The following ATXN1 variants were observed in gnomAD, a reference collection of about 807,000 sequenced individuals.
ATXN1 encodes ataxin 1, also known as ataxin-1.
In ATXN1, 8 loss-of-function variants were observed where a neutral mutation model predicts 56.4. The ratio of observed to expected loss-of-function variants is 0.14; its 90% CI spans 0.08 to 0.26. ATXN1 has a LOEUF of 0.26. ATXN1 is among the 10% of genes least tolerant of loss of function. The pLI is 1.00. For synonymous variants in ATXN1, 514 were observed against 494.6 expected, an observed-to-expected ratio of 1.04 and a Z score of -0.52; for missense variants, 987 against 1,106.5, an observed-to-expected ratio of 0.89 and a Z score of 1.53.
chr6:16,418,510 T>C (rs960462573), intron 6 of ATXN1, among the ~76,000 whole-genome samples: 5 of 152,204 alleles, frequency 3.3e-5, no homozygotes, highest in African/African-American at 4.8e-5. Context: ...GCAGGGAGCA[T>C]TCATGAGATC....
At chr6:16,751,164 T>C (rs1409930032) in intron 2 of ATXN1, among the ~76,000 whole-genome samples, 2 of 152,012 alleles carry the variant, frequency 1.3e-5, no homozygotes, top group Non-Finnish European at 1.5e-5. Context: ...AGACAGGATT[T>C]CATCATGTTG....
intron 2 of ATXN1, among the ~76,000 whole-genome samples, chr6:16,718,668 TGGAG>T (rs1759686182): frequency 6.6e-6 from 1 of 152,250 alleles, no homozygotes; most frequent in Non-Finnish European, 1.5e-5. Flanking sequence ...ACAGCTACAG[TGGAG>T]ACCATCTGAA....
At chr6:16,334,794 T>G (rs575889965) in intron 6 of ATXN1, among the ~76,000 whole-genome samples, 1 of 152,202 alleles carries the variant, frequency 6.6e-6, no homozygotes, top group African/African-American at 2.4e-5. Context: ...AAAGCCACAG[T>G]TGAAATCCTG....
At chr6:16,430,559 T>A (rs926221488) in intron 6 of ATXN1, among the ~76,000 whole-genome samples, 4 of 152,224 alleles carry the variant, frequency 2.6e-5, no homozygotes, top group Non-Finnish European at 5.9e-5. Flanking sequence ...AGATGTTCCA[T>A]GATTTTTTGC....
chr6:16,327,824 C>T lies in ATXN1; in HGVS notation c.487G>A (p.Ala163Thr), dbSNP rs369799017. Residue 163 changes from alanine to threonine, a missense_variant, in exon 7 of 8, where the codon GCA becomes ACA. Ala to Thr is a moderately conservative substitution (Grantham distance 58, BLOSUM62 0). Coordinates refer to ENST00000436367, the MANE Select transcript of ATXN1 (RefSeq NM_001128164.2). The part of the protein sequence containing the change: ...NPVTSAVASA[A>T]GATTPSQRSQ... The stretch of plus-strand genomic sequence containing the variant: ...CGCTGGGATGGAGTGGTGGCCCCTG[C>T]GGCCGAGGCCACTGCACTGGTGACG... 1.1e-5 allele frequency: 17 copies of T among 1,608,676 alleles called. No homozygotes were observed. The highest frequency in any genetic ancestry group is 1.7e-4 in the Middle Eastern group (1 of 6,056).
intron 3 of ATXN1, among the ~76,000 whole-genome samples, chr6:16,614,021 A>C (rs373039126): frequency 3.5e-4 from 53 of 151,648 alleles, no homozygotes; most frequent in East Asian, 3.1e-3. Flanking sequence ...GGTAATTTCA[A>C]AGCTTCCAGG....
chr6:16,658,339 T>C (rs150080409), intron 2 of ATXN1, among the ~76,000 whole-genome samples: 114 of 152,366 alleles, frequency 7.5e-4, no homozygotes, highest in African/African-American at 2.7e-3. Context: ...CTGATGTGAA[T>C]ACTTTTTAAA....
chr6:16,516,266 T>A (rs1761181146), intron 5 of ATXN1, among the ~76,000 whole-genome samples: 1 of 152,182 alleles, frequency 6.6e-6, no homozygotes, highest in East Asian at 1.9e-4. Flanking sequence ...TACAACACCA[T>A]CAGGAGCAAG....
At chr6:16,439,339 G>C (rs1581762720) in intron 6 of ATXN1, among the ~76,000 whole-genome samples, 1 of 2,350 alleles carries the variant, frequency 4.3e-4, no homozygotes, top group Non-Finnish European at 1.8e-3. Flanking sequence ...TTCTTTTCGC[G>C]GGGGGGGGGG....
intron 6 of ATXN1, among the ~76,000 whole-genome samples, chr6:16,451,805 T>C (rs1210223647): frequency 6.6e-6 from 1 of 151,378 alleles, no homozygotes; most frequent in Admixed American, 6.6e-5. Context: ...ACGTGGAGTT[T>C]GTAATTAGAG....
intron 3 of ATXN1, among the ~76,000 whole-genome samples, chr6:16,596,990 C>A (rs963557751): frequency 5.3e-4 from 80 of 152,352 alleles, no homozygotes; most frequent in East Asian, 1.4e-3. Context: ...TTGGGTGTCT[C>A]GCTGGCTGTG....
intron 6 of ATXN1, among the ~76,000 whole-genome samples, chr6:16,440,075 C>CAA (rs34556179): frequency 4.5e-4 from 50 of 111,752 alleles, no homozygotes; most frequent in East Asian, 2.3e-3. Context: ...GACTTCGTCT[C>CAA]AAAAAAAAAA....
intron 4 of ATXN1, among the ~76,000 whole-genome samples, chr6:16,554,794 T>C (rs560585152): frequency 3.3e-5 from 5 of 152,258 alleles, no homozygotes; most frequent in Non-Finnish European, 7.4e-5. Flanking sequence ...TTTCACCATG[T>C]TGGCTAGGCT....
At chr6:16,632,905 G>A (rs527463060) in intron 3 of ATXN1, among the ~76,000 whole-genome samples, 1 of 151,962 alleles carries the variant, frequency 6.6e-6, no homozygotes, top group South Asian at 2.1e-4. Context: ...GCTGAGACAG[G>A]AGAATCGCTT....
At chr6:16,333,497 G>T (rs1410523270) in intron 6 of ATXN1, among the ~76,000 whole-genome samples, 1 of 152,294 alleles carries the variant, frequency 6.6e-6, no homozygotes, top group South Asian at 2.1e-4. Flanking sequence ...GATGCTCTTA[G>T]AATTTGATAT....
intron 4 of ATXN1, among the ~76,000 whole-genome samples, chr6:16,578,173 T>C (rs1267836583): frequency 1.3e-5 from 2 of 152,250 alleles, no homozygotes; most frequent in Non-Finnish European, 2.9e-5. Context: ...CTAAATTTTT[T>C]GGTAACGTTC....
chr6:16,555,609 G>T (rs879783227), intron 4 of ATXN1, among the ~76,000 whole-genome samples: 5 of 152,192 alleles, frequency 3.3e-5, no homozygotes, highest in African/African-American at 4.8e-5. Context: ...AGACACCTCT[G>T]CAGGCCAGGG....
At chr6:16,717,746 T>A (rs1413570540) in intron 2 of ATXN1, among the ~76,000 whole-genome samples, 1 of 152,180 alleles carries the variant, frequency 6.6e-6, no homozygotes, top group Non-Finnish European at 1.5e-5. Context: ...GCTCTCTGAA[T>A]CAGCATGGCA....
intron 2 of ATXN1, among the ~76,000 whole-genome samples, chr6:16,693,932 C>G (rs755177733): frequency 6.6e-6 from 1 of 152,064 alleles, no homozygotes; most frequent in Non-Finnish European, 1.5e-5. Flanking sequence ...ACTGGGATTC[C>G]GACACACTAA....
Sources: gnomAD v4.1 joint callset for allele counts (sites outside exome capture counted in the v4.1 genomes callset) on GRCh38, gnomAD v4.1.1 for gene constraint, MANE v1.5 for transcripts, NCBI Gene and HGNC (gene_info 2026-07-23, HGNC 2026-07-21) for gene names.